SLC4A10: variants seen among roughly 807,000 people sequenced by gnomAD.
SLC4A10 encodes solute carrier family 4 member 10, also known as sodium-driven chloride bicarbonate exchanger.
A neutral mutation model predicts 137.7 loss-of-function variants in SLC4A10; 42 were observed. The observed-to-expected ratio is 0.30, with a 90% CI of 0.24 to 0.39. The LOEUF (loss-of-function observed/expected upper bound fraction) is 0.39. SLC4A10 is among the 10% of genes least tolerant of loss of function. The pLI, the probability that SLC4A10 is intolerant of heterozygous loss-of-function variation, is 1.00. For synonymous variants in SLC4A10, 474 were observed against 464.1 expected (o/e 1.02, Z -0.27); for missense variants, 925 against 1,355.0 (o/e 0.68, Z 4.98).
chr2:161,707,293 C>T (rs550753223), intron 1 of SLC4A10, among the ~76,000 whole-genome samples: 1 of 151,426 alleles, frequency 6.6e-6, no homozygotes, highest in East Asian at 1.9e-4. Context: ...CTCATTGTGA[C>T]TAGTCTCCAT....
Position 161,730,761 on chromosome 2 carries a change from A to C in SLC4A10, c.49-40212A>C, listed in dbSNP as rs947789012. 3.3e-5 allele frequency among the ~76,000 whole-genome samples: 5 copies of C among 152,320 alleles called. No individual in the cohort carries two copies. The East Asian group carries it at 9.6e-4, about 29-fold the overall frequency. ...ATAAAGGAAGAACTAGTGTCAGTGA[A>C]ATATAATCAGAACCACATCTCAAGG... On this transcript the variant is annotated intron_variant, in intron 1 of 26. Coordinates refer to ENST00000446997, the MANE Select transcript of SLC4A10 (RefSeq NM_001178015.2).
chr2:161,819,775 T>A (rs1462073271), intron 3 of SLC4A10, among the ~76,000 whole-genome samples: 1 of 152,202 alleles, frequency 6.6e-6, no homozygotes, highest in Non-Finnish European at 1.5e-5. Context: ...ATTACAGGAA[T>A]GAGCCACCGC....
At chr2:161,801,588 A>T (rs912308068) in intron 2 of SLC4A10, among the ~76,000 whole-genome samples, 1 of 152,060 alleles carries the variant, frequency 6.6e-6, no homozygotes, top group Admixed American at 6.6e-5. Context: ...TCCCCAACTG[A>T]TGCTAACATT....
chr2:161,813,666 G>A (rs1172640498), intron 3 of SLC4A10, among the ~76,000 whole-genome samples: 1 of 152,102 alleles, frequency 6.6e-6, no homozygotes, highest in African/African-American at 2.4e-5. Flanking sequence ...ATGCGCTAAT[G>A]ATGAGTTTTC....
chr2:161,849,613 G>T (rs1394881406), intron 4 of SLC4A10, among the ~76,000 whole-genome samples: 1 of 151,858 alleles, frequency 6.6e-6, no homozygotes, highest in Non-Finnish European at 1.5e-5. Context: ...AACATGAGGG[G>T]ATGTTTAATT....
In SLC4A10 at chr2:161,872,278, A is replaced by G. The variant is rs748533733; in HGVS notation, c.767-15A>G. 1.2e-6 allele frequency: 2 copies of G among 1,604,328 alleles called. No homozygotes were observed. Among genetic ancestry groups the G allele is most frequent in the African/African-American group, 2.7e-5 (2 of 74,700 alleles). ...TAAGTAATTGTTTGTATTCTGTCAC[A>G]ACAATCTCTTTTAGCAGGTCAGGTT... On this transcript the variant is annotated splice_polypyrimidine_tract_variant and intron_variant, in intron 6 of 26. Transcript: ENST00000446997.
intron 1 of SLC4A10, among the ~76,000 whole-genome samples, chr2:161,767,098 TATATATATATATATA>T (rs2050901431): frequency 5.8e-5 from 1 of 17,252 alleles, no homozygotes; most frequent in Non-Finnish European, 9.1e-5. Context: ...AAGAAGCATA[TATATATATATATATA>T]TATATATATA....
intron 26 of SLC4A10, among the ~76,000 whole-genome samples, chr2:161,978,384 C>CAAAAAAAAAAAAAAAA (rs61399867): frequency 1.1e-5 from 1 of 90,442 alleles, no homozygotes; most frequent in Non-Finnish European, 2.1e-5. Flanking sequence ...GAGACTCTGT[C>CAAAAAAAAAAAAAAAA]AAAAAAAAAA....
chr2:161,769,990 A>T (rs569371397), intron 1 of SLC4A10, among the ~76,000 whole-genome samples: 82 of 152,088 alleles, frequency 5.4e-4, no homozygotes, highest in African/African-American at 1.9e-3. Flanking sequence ...TTAATTTTTT[A>T]AAAAATTTCT....
chr2:161,664,146 C>G (rs911726442), intron 1 of SLC4A10, among the ~76,000 whole-genome samples: 1 of 151,864 alleles, frequency 6.6e-6, no homozygotes, highest in Non-Finnish European at 1.5e-5. Context: ...GATTCTAACC[C>G]TGATTCTTTT....
Position 161,983,330 on chromosome 2 carries a change from T to A in SLC4A10, c.*178T>A. The A allele has an allele frequency of 7.7e-7, 1 of 1,295,876 alleles. No homozygotes were observed. The highest frequency in any genetic ancestry group is 1.1e-6 in the Non-Finnish European group (1 of 940,126). The allele number at this position is 1,295,876 out of a possible 1,614,324, so 80.3% of individuals were successfully genotyped here. On this transcript the variant is annotated 3_prime_UTR_variant, in exon 27 of 27. Transcript: ENST00000446997. ...ACTGCTTTGATCATGTATTGTAAAT[T>A]CTGTCCCTCAACCCAAATCCACCTT...
At chr2:161,637,214 G>C (rs1349789271) in intron 1 of SLC4A10, among the ~76,000 whole-genome samples, 1 of 150,298 alleles carries the variant, frequency 6.7e-6, no homozygotes, top group Non-Finnish European at 1.5e-5. Flanking sequence ...GAGAGAGAGA[G>C]AGAGACAGAG....
In SLC4A10 at chr2:161,819,908, G is replaced by C. The variant is rs2057474423; in HGVS notation, c.277+15313G>C. Reference sequence around the variant, plus strand: ...ATTGGTAAGTTTGAAGCATAAGCTTGAAGTCAGTGAAAATATGAAAGATGA... The same window carrying C: ...ATTGGTAAGTTTGAAGCATAAGCTTCAAGTCAGTGAAAATATGAAAGATGA... On this transcript the variant is annotated intron_variant, in intron 3 of 26. Transcript: ENST00000446997. 3.3e-5 allele frequency among the ~76,000 whole-genome samples: 5 copies of C among 152,288 alleles called. No homozygotes were observed. In the South Asian group the frequency reaches 1.0e-3, roughly 32 times the overall value.
At chr2:161,676,792 T>G (rs2040322326) in intron 1 of SLC4A10, among the ~76,000 whole-genome samples, 1 of 152,046 alleles carries the variant, frequency 6.6e-6, no homozygotes, top group African/African-American at 2.4e-5. Flanking sequence ...TCAGGTATGT[T>G]TAGAAAATGC....
chr2:161,949,057 G>A, intron 17 of SLC4A10, 91 bp from the exon 18 acceptor site: 1 of 749,038 alleles, frequency 1.3e-6, no homozygotes, highest in Non-Finnish European at 2.3e-6. Flanking sequence ...ATGTCATAAA[G>A]TGTTTATAAA....
At chr2:161,829,072 A>AGT (rs2058245881) in intron 3 of SLC4A10, among the ~76,000 whole-genome samples, 6 of 151,726 alleles carry the variant, frequency 4.0e-5, no homozygotes, top group African/African-American at 1.5e-4. Flanking sequence ...TTATGTCCTT[A>AGT]ATGCTGGTGT....
intron 1 of SLC4A10, among the ~76,000 whole-genome samples, chr2:161,693,113 A>G (rs2042163126): frequency 6.6e-6 from 1 of 152,050 alleles, no homozygotes; most frequent in Non-Finnish European, 1.5e-5. Context: ...GTATCACTTT[A>G]AATTCTGTTA....
At chr2:161,929,544 C>A (rs1331817844) in intron 15 of SLC4A10, among the ~76,000 whole-genome samples, 1 of 152,136 alleles carries the variant, frequency 6.6e-6, no homozygotes, top group Non-Finnish European at 1.5e-5. Context: ...GACCCCTGAC[C>A]AATGAGTTGA....
intron 15 of SLC4A10, among the ~76,000 whole-genome samples, chr2:161,925,416 A>T (rs1461131535): frequency 6.6e-6 from 1 of 151,720 alleles, no homozygotes; most frequent in Non-Finnish European, 1.5e-5. Context: ...ATCATTTTTT[A>T]TTGTGTCTAT....
Sources: allele counts gnomAD v4.1 joint callset (sites outside exome capture counted in the v4.1 genomes callset), GRCh38; gene constraint gnomAD v4.1.1; transcripts MANE v1.5; gene names NCBI Gene and HGNC (gene_info 2026-07-23, HGNC 2026-07-21).